The following METTL25B variants were observed in gnomAD, a reference collection of about 807,000 sequenced individuals.
The protein encoded by METTL25B is methyltransferase like 25B, also known as methyltransferase-like protein 25B.
METTL25B carries 38 observed loss-of-function variants against 48.4 expected under a neutral mutation model. The ratio of observed to expected loss-of-function variants is 0.78; its 90% CI spans 0.61 to 1.03. METTL25B has a LOEUF of 1.03. Ranked by LOEUF, METTL25B falls within the 50% of genes least tolerant of loss-of-function variation. The pLI, the probability that METTL25B is intolerant of heterozygous loss-of-function variation, is 0.00. For synonymous variants in METTL25B, 230 were observed against 254.5 expected, an observed-to-expected ratio of 0.90 and a Z score of 0.92; for missense variants, 537 against 603.7, an observed-to-expected ratio of 0.89 and a Z score of 1.16.
At chr1:156,730,572 AAAAT>A (rs1188703356) in intron 1 of METTL25B, among the ~76,000 whole-genome samples, 45 of 92,698 alleles carry the variant, frequency 4.9e-4, no homozygotes, top group African/African-American at 1.2e-3. Context: ...AAAATAAAAT[AAAAT>A]AAAAAAATAG....
At chr1:156,731,133 G>GT (rs1330143019) in intron 1 of METTL25B, among the ~76,000 whole-genome samples, 3 of 151,842 alleles carry the variant, frequency 2.0e-5, no homozygotes, top group East Asian at 1.9e-4. Context: ...GTTTTGGTTT[G>GT]TTTTTTTTGA....
In METTL25B at chr1:156,734,132, C is replaced by T. The variant is rs945983582; in HGVS notation, c.760C>T (p.Leu254Phe). The change falls in exon 6 of 8, where the codon CTC becomes TTC. Residue 254 changes from leucine to phenylalanine, a missense_variant. Transcript: ENST00000368216. ...NPCQGRARLLLTGLHACGDLS... is the reference protein window; with the variant it reads ...NPCQGRARLLFTGLHACGDLS... ...GTGTCAGGGCAGGGCCCGCTTGCTG[C>T]TCACAGGCCTCCACGCCTGTGGGGA... is the stretch of plus-strand genomic sequence containing the variant. The T allele has an allele frequency of 1.9e-6, 3 of 1,614,140 alleles. No individual in the cohort carries two copies. Among genetic ancestry groups the T allele is most frequent in the African/African-American group, 2.7e-5 (2 of 74,954 alleles).
intron 4 of METTL25B, 139 bp from the exon 5 acceptor site, chr1:156,733,238 A>G (rs527870886): frequency 9.3e-7 from 1 of 1,080,906 alleles, no homozygotes; most frequent in African/African-American, 1.6e-5. Flanking sequence ...CTTAAGCCAC[A>G]CTGATGTTAA....
intron 1 of METTL25B, 199 bp downstream of exon 1, chr1:156,729,414 T>C (rs912316011): frequency 3.2e-5 from 15 of 476,110 alleles, no homozygotes; most frequent in Admixed American, 3.0e-4. Flanking sequence ...TCTTTTTTTT[T>C]CTTTTTCTTT....
At chr1:156,734,689 A>G (rs919335970) in intron 6 of METTL25B, among the ~76,000 whole-genome samples, 196 bp downstream of exon 6, 10 of 151,224 alleles carry the variant, frequency 6.6e-5, no homozygotes. Flanking sequence ...CCGCCACTAC[A>G]CCCGGCTAAT....
At position 156,734,209 on chromosome 1, in the gene METTL25B, C is replaced by T; in HGVS notation, c.837C>T (p.Ala279=). ...TCTCCTGCTGTCCTGAGGTGGTGGCCCTGGCCTCAGTGGGCTGCTGCTACA... is the reference window on the plus strand; with the variant it reads ...TCTCCTGCTGTCCTGAGGTGGTGGCTCTGGCCTCAGTGGGCTGCTGCTACA... ...RHFSCCPEVV[A]LASVGCCYMK... is the part of the protein sequence containing the mutation. The change falls in exon 6 of 8, where the codon GCC becomes GCT. Residue 279 remains alanine, a synonymous_variant. Coordinates refer to ENST00000368216, the MANE Select transcript of METTL25B (RefSeq NM_015997.4). 6.2e-7 allele frequency: 1 copy of T among 1,614,226 alleles called. No individual in the cohort carries two copies.
chr1:156,731,332 C>T (rs1649268528), intron 1 of METTL25B, among the ~76,000 whole-genome samples: 1 of 152,206 alleles, frequency 6.6e-6, no homozygotes, highest in South Asian at 2.1e-4. Context: ...CCATATTGGC[C>T]AGGCTGGTCT....
Position 156,732,039 on chromosome 1 carries a change from G to T in METTL25B, c.160G>T (p.Glu54Ter). 2 of 1,614,208 alleles carry T rather than the reference G, an allele frequency of 1.2e-6. No homozygotes were observed. Among genetic ancestry groups the T allele is most frequent in the Non-Finnish European group, 1.7e-6 (2 of 1,180,034 alleles). The change falls in exon 2 of 8, where the codon GAA becomes TAA. Residue 54 changes from glutamate to a stop codon, truncating the protein, a stop_gained. Transcript: ENST00000368216. LOFTEE classifies it high-confidence loss of function. Reference sequence around the variant, plus strand: ...GGACACACTCCCTTGCTCATGGCAGGAAGCATTGGATGGACTGAAACCACC... The same window carrying T: ...GGACACACTCCCTTGCTCATGGCAGTAAGCATTGGATGGACTGAAACCACC... Reference protein sequence around the residue: ...LWDTLPCSWQEALDGLKPPQL... With the variant: ...LWDTLPCSWQ
rs143919834 is a variant in METTL25B, at chr1:156,730,405, G to A, written c.111+1190G>A. ...GCAATCGCAGAATGGTTAAGAACAA[G>A]GACTCTAGAGTAAAATTGGTTTCAA... On this transcript the variant is annotated intron_variant, in intron 1 of 7. Transcript: ENST00000368216. Among the ~76,000 whole-genome samples the A allele has an allele frequency of 3.6e-3, 548 of 152,228 alleles. 29 individuals are homozygous for A. The South Asian group carries it at 0.095, about 27-fold the overall frequency.
rs144862794 is a variant in METTL25B at position 156,734,107 on chromosome 1, G to A, written c.735G>A (p.Pro245=). The A allele has an allele frequency of 4.5e-5, 73 of 1,614,210 alleles. No individual in the cohort carries two copies. Among genetic ancestry groups the A allele is most frequent in the Non-Finnish European group, 5.6e-5 (66 of 1,180,046 alleles). ...CEELLLPLEN[P]CQGRARLLLT... The stretch of plus-strand genomic sequence containing the variant: ...AGCTTCTGCTTCCACTGGAGAACCC[G>A]TGTCAGGGCAGGGCCCGCTTGCTGC... Residue 245 remains proline, a synonymous_variant, in exon 6 of 8, where the codon CCG becomes CCA. Transcript: ENST00000368216.
At chr1:156,730,275 C>T (rs1459866673) in intron 1 of METTL25B, among the ~76,000 whole-genome samples, 1 of 152,206 alleles carries the variant, frequency 6.6e-6, no homozygotes, top group Non-Finnish European at 1.5e-5. Context: ...CCATTTTATT[C>T]TCTCACACAT....
At chr1:156,734,539 T>C (rs1649579360) in intron 6 of METTL25B, 46 bp downstream of exon 6, 2 of 1,448,930 alleles carry the variant, frequency 1.4e-6, no homozygotes, top group East Asian at 2.5e-5. Flanking sequence ...GAGATTTCTT[T>C]TTTTTTTTTT....
chr1:156,732,249 AT>A, intron 2 of METTL25B, 31 bp from the exon 3 acceptor site: 1 of 1,612,390 alleles, frequency 6.2e-7, no homozygotes, highest in South Asian at 1.1e-5. Flanking sequence ...TGATGGGACT[AT>A]TCACTGGAGG....
chr1:156,733,962 C>T, intron 5 of METTL25B, 47 bp from the exon 6 acceptor site: 1 of 1,548,738 alleles, frequency 6.5e-7, no homozygotes, highest in South Asian at 1.2e-5. Context: ...GGCCTGGGGA[C>T]AGCAAACAGA....
rs149487755 is a variant in METTL25B, at chr1:156,730,368, C to T, written c.111+1153C>T. ...TGGACCTTTGCACTCACTGCTCTTC[C>T]GCCACAGAAAGGCAATCGCAGAATG... is the stretch of plus-strand genomic sequence containing the variant. On this transcript the variant is annotated intron_variant, in intron 1 of 7. Transcript: ENST00000368216. 3.1e-3 allele frequency among the ~76,000 whole-genome samples: 468 copies of T among 152,292 alleles called. 4 individuals carry two copies. The highest frequency in any genetic ancestry group is 0.01 in the African/African-American group (433 of 41,560).
In METTL25B at chr1:156,734,514, G is replaced by C. The variant is rs114239921; in HGVS notation, c.1121+21G>C. On this transcript the variant is annotated intron_variant, in intron 6 of 7. Transcript: ENST00000368216. ...GAAGAGTGAGGTTGGGGGACGGGTGGGGGGCAGTGGAGAGGAGATTTCTTT... is the reference window on the plus strand; with the variant it reads ...GAAGAGTGAGGTTGGGGGACGGGTGCGGGGCAGTGGAGAGGAGATTTCTTT... The C allele has an allele frequency of 3.3e-6, 5 of 1,530,074 alleles. No homozygotes were observed. The East Asian group carries it at 9.5e-5, about 29-fold the overall frequency. The allele number at this position is 1,530,074 out of a possible 1,614,324, so 94.8% of individuals were successfully genotyped here.
intron 4 of METTL25B, 24 bp downstream of exon 4, chr1:156,733,071 G>A: frequency 1.2e-6 from 2 of 1,608,118 alleles, no homozygotes; most frequent in Non-Finnish European, 1.7e-6. Flanking sequence ...TTGATGTACT[G>A]TTTTTTTGAG....
At chr1:156,732,867 C>A in intron 3 of METTL25B, 118 bp from the exon 4 acceptor site, 2 of 881,076 alleles carry the variant, frequency 2.3e-6, no homozygotes, top group Non-Finnish European at 3.6e-6. Context: ...TCTTCACATC[C>A]AGGGCACCCT....
chr1:156,736,666 T>TGAACTCTCTCCCA lies in METTL25B; in HGVS notation c.1345_1357dup (p.Asn453ThrfsTer25), dbSNP rs775705992. The TGAACTCTCTCCCA allele has an allele frequency of 1.2e-6, 2 of 1,613,960 alleles. No homozygotes were observed. The highest frequency in any genetic ancestry group is 4.5e-5 in the East Asian group (2 of 44,872). On this transcript the variant is annotated frameshift_variant, in exon 8 of 8. Coordinates refer to ENST00000368216, the MANE Select transcript of METTL25B (RefSeq NM_015997.4). LOFTEE classifies it high-confidence loss of function. ...CTGAGCTCCTGCCCATCTTCAGTCC[T>TGAACTCTCTCCCA]GAACTCTCTCCCAGAAACCTGGTTC...
Sources: allele counts gnomAD v4.1 joint callset (sites outside exome capture counted in the v4.1 genomes callset), GRCh38; gene constraint gnomAD v4.1.1; transcripts MANE v1.5; gene names NCBI Gene and HGNC (gene_info 2026-07-23, HGNC 2026-07-21).